The following LCT variants were observed in gnomAD, a reference collection of about 807,000 sequenced individuals.
The protein encoded by LCT is lactase.
LCT carries 90 observed loss-of-function variants against 173.0 expected under a neutral mutation model. The observed-to-expected ratio is 0.52, with a 90% CI of 0.44 to 0.62. The LOEUF (loss-of-function observed/expected upper bound fraction) is 0.62, where lower values mean the gene tolerates loss of function less well. LCT is among the 20% of genes least tolerant of loss of function. LCT has a pLI of 0.00. For missense variants in LCT, 1,864 were observed against 2,431.4 expected, an observed-to-expected ratio of 0.77 and a Z score of 4.91; for synonymous variants, 853 against 957.6, an observed-to-expected ratio of 0.89 and a Z score of 2.02.
Position 135,789,687 on chromosome 2 carries a change from C to T in LCT, c.5447G>A (p.Ser1816Asn). The T allele has an allele frequency of 6.2e-7, 1 of 1,614,176 alleles. No homozygotes were observed. The highest frequency in any genetic ancestry group is 8.5e-7 in the Non-Finnish European group (1 of 1,179,990). ...GGGGATCCTTGGCAGAGAAGGGTCA[C>T]TGTAGTTCACAAAATGCAGACCAAA... ...ERFGLHFVNYSDPSLPRIPKA... is the reference protein window; with the variant it reads ...ERFGLHFVNYNDPSLPRIPKA... Residue 1816 changes from serine to asparagine, a missense_variant, in exon 16 of 17, where the codon AGT (serine) becomes AAT (asparagine). Physicochemically the swap from Ser to Asn is conservative, Grantham distance 46. Around this residue, in one of 4 missense-constraint regions of LCT, gnomAD observed 514 missense variants for 750.1 expected, o/e 0.69. Coordinates refer to ENST00000264162, the MANE Select transcript of LCT (RefSeq NM_002299.4).
At position 135,817,776 on chromosome 2, in the gene LCT, C is replaced by A; in HGVS notation, c.1272G>T (p.Ala424=). The A allele has an allele frequency of 6.2e-7, 1 of 1,613,982 alleles. No individual in the cohort carries two copies. Among genetic ancestry groups the A allele is most frequent in the South Asian group, 1.1e-5 (1 of 91,092 alleles). Residue 424 remains alanine (A), a synonymous_variant, in exon 6 of 17, where the codon GCG becomes GCT. Coordinates refer to ENST00000264162, the MANE Select transcript of LCT (RefSeq NM_002299.4). Reference sequence around the variant, plus strand: ...AACTGTCGCTGGCCACCTCCAGCGTCGCTTGGCCCTCAGTGGTGTTCAGGG... The same window carrying A: ...AACTGTCGCTGGCCACCTCCAGCGTAGCTTGGCCCTCAGTGGTGTTCAGGG... ...RRPLNTTEGQ[A]TLEVASDSYH...
intron 14 of LCT, among the ~76,000 whole-genome samples, chr2:135,793,633 A>G (rs1559548524): frequency 6.6e-6 from 1 of 152,240 alleles, no homozygotes; most frequent in African/African-American, 2.4e-5. Context: ...AAATCTCTGA[A>G]TTGCCAGATA....
intron 16 of LCT, among the ~76,000 whole-genome samples, chr2:135,789,327 A>G (rs770775579): frequency 2.3e-4 from 35 of 152,240 alleles, no homozygotes; most frequent in Non-Finnish European, 4.6e-4. Flanking sequence ...CTGGAAGAAG[A>G]GTCTAGACCT....
At chr2:135,821,796 G>C (rs967567901) in intron 5 of LCT, 1 of 549,714 alleles carries the variant, frequency 1.8e-6, no homozygotes, top group African/African-American at 1.9e-5. Context: ...GTTGCGCACA[G>C]TTGGGCGAAC....
intron 6 of LCT, among the ~76,000 whole-genome samples, chr2:135,816,852 C>A (rs984009923): frequency 6.7e-6 from 1 of 148,564 alleles, no homozygotes; most frequent in African/African-American, 2.4e-5. Context: ...AGGGTCTGGA[C>A]AAAATAAGGT....
At chr2:135,789,899 C>T (rs2077520739) in intron 15 of LCT, 101 bp from the exon 16 acceptor site, 1 of 898,992 alleles carries the variant, frequency 1.1e-6, no homozygotes, top group Non-Finnish European at 1.9e-6. Flanking sequence ...TCCCCACCGC[C>T]TTCACAGATG....
At chr2:135,804,360 C>T (rs190688470) in intron 10 of LCT, among the ~76,000 whole-genome samples, 36 of 152,266 alleles carry the variant, frequency 2.4e-4, no homozygotes, top group African/African-American at 7.5e-4. Flanking sequence ...TCAAATTCTG[C>T]ATCATATGAA....
chr2:135,794,131 C>A (rs558376725), intron 14 of LCT, among the ~76,000 whole-genome samples: 3 of 131,466 alleles, frequency 2.3e-5, no homozygotes, highest in Non-Finnish European at 3.2e-5. Context: ...GAGCGAGACT[C>A]TGTCTCAAAA....
chr2:135,802,589 G>A (rs1417260621), intron 11 of LCT, among the ~76,000 whole-genome samples: 1 of 152,226 alleles, frequency 6.6e-6, no homozygotes. Flanking sequence ...AGGTCATTAT[G>A]TAAAGTGAAA....
chr2:135,803,982 A>T lies in LCT; in HGVS notation c.4611T>A (p.Asn1537Lys). The change falls in exon 11 of 17, where the codon AAT (asparagine) becomes AAA (lysine). Residue 1537 changes from asparagine (N) to lysine (K), a missense_variant. Around this residue, in one of 4 missense-constraint regions of LCT, gnomAD observed 514 missense variants for 750.1 expected, o/e 0.69. Coordinates refer to ENST00000264162, the MANE Select transcript of LCT (RefSeq NM_002299.4). ...CCTGGTAAGCAATGACAAAGGGCTC[A>T]TTCAGCGTGATCCAAAACTTCACCT... ...GDKVKFWITL[N>K]EPFVIAYQGY... 1 of 1,614,194 alleles carries T rather than the reference A, an allele frequency of 6.2e-7. No homozygotes were observed.
intron 16 of LCT, 107 bp from the exon 17 acceptor site, chr2:135,788,651 T>C: frequency 1.3e-6 from 1 of 780,716 alleles, no homozygotes; most frequent in Non-Finnish European, 2.3e-6. Flanking sequence ...CGCACAGCCA[T>C]TGACGGGATG....
chr2:135,831,388 CAG>C (rs111825752), intron 2 of LCT, among the ~76,000 whole-genome samples: 2 of 151,846 alleles, frequency 1.3e-5, no homozygotes, highest in Admixed American at 1.3e-4. Context: ...CAGAGAGAGA[CAG>C]AGAGAGAGGC....
chr2:135,834,192 T>C (rs535890064), intron 1 of LCT, among the ~76,000 whole-genome samples: 181 of 152,156 alleles, frequency 1.2e-3, no homozygotes, highest in Non-Finnish European at 2.2e-3. Context: ...AGTTTATTTT[T>C]CATTTATTTT....
At chr2:135,821,309 G>A (rs887121456) in intron 5 of LCT, among the ~76,000 whole-genome samples, 1 of 152,184 alleles carries the variant, frequency 6.6e-6, no homozygotes, top group African/African-American at 2.4e-5. Context: ...TTAGGCATCT[G>A]GCTTGCAGCA....
intron 11 of LCT, among the ~76,000 whole-genome samples, 168 bp from the exon 12 acceptor site, chr2:135,800,977 G>C (rs2077621828): frequency 6.6e-6 from 1 of 152,206 alleles, no homozygotes; most frequent in African/African-American, 2.4e-5. Context: ...TTACCTGGCT[G>C]TGTAACTTTG....
Position 135,836,910 on chromosome 2 carries a change from T to C in LCT, c.260A>G (p.Tyr87Cys). The change falls in exon 1 of 17, where the codon TAT (tyrosine) becomes TGT (cysteine). Residue 87 changes from tyrosine to cysteine, a missense_variant. Physicochemically the swap from Tyr to Cys is radical, Grantham distance 194 (BLOSUM62 -2). Transcript: ENST00000264162. ...CTGTGCCCATGACAGAAATACCTTA[T>C]AATGGGTGATCTGACTGGCATGGAG... ...SSLHASQITHYKVFLSWAQLL... is the reference protein window; with the variant it reads ...SSLHASQITHCKVFLSWAQLL... The C allele has an allele frequency of 1.2e-6, 2 of 1,614,170 alleles. No individual in the cohort carries two copies. Among genetic ancestry groups the C allele is most frequent in the Non-Finnish European group, 1.7e-6 (2 of 1,180,018 alleles).
rs2077717955 is a variant in LCT, at chr2:135,809,763, T to C, written c.2584A>G (p.Asn862Asp). The change falls in exon 8 of 17, where the codon AAC (asparagine) becomes GAC (aspartate). Residue 862 changes from asparagine to aspartate, a missense_variant. This residue lies in a region of LCT where 755 missense variants were observed against 926.3 expected (regional missense o/e 0.82). Coordinates refer to ENST00000264162, the MANE Select transcript of LCT (RefSeq NM_002299.4). The surrounding 1 kb of genome is among the most constrained non-coding windows in gnomAD (Gnocchi z 5.5). ...AKRLLPPNTVNLPSKVRAFTF... is the reference protein window; with the variant it reads ...AKRLLPPNTVDLPSKVRAFTF... ...AAGGCTCTGACTTTGGAGGGGAGGT[T>C]TACTGTATTAGGTGGTAGCAGTCTT... 1 of 1,614,152 alleles carries C rather than the reference T, an allele frequency of 6.2e-7. No individual in the cohort carries two copies. Among genetic ancestry groups the C allele is most frequent in the Non-Finnish European group, 8.5e-7 (1 of 1,180,000 alleles).
chr2:135,804,205 A>T, intron 10 of LCT, 77 bp from the exon 11 acceptor site: 1 of 1,118,128 alleles, frequency 8.9e-7, no homozygotes, highest in Admixed American at 1.7e-5. Flanking sequence ...GCCAGCATCA[A>T]CGTCTGCTGC....
chr2:135,791,030 C>T (rs942679581), intron 14 of LCT, 149 bp from the exon 15 acceptor site: 8 of 707,634 alleles, frequency 1.1e-5, no homozygotes, highest in African/African-American at 1.8e-5. Flanking sequence ...ATCAAATTGC[C>T]TCAAATTCTC....
Sources: allele counts gnomAD v4.1 joint callset (sites outside exome capture counted in the v4.1 genomes callset), GRCh38; gene constraint gnomAD v4.1.1; regional missense constraint gnomAD v4.1.1; non-coding constraint Gnocchi (gnomAD v3.1); transcripts MANE v1.5; gene names NCBI Gene and HGNC (gene_info 2026-07-23, HGNC 2026-07-21).